Variants in RAP1A observed in about 807,000 individuals in gnomAD.
The protein encoded by RAP1A is RAP1A, member of RAS oncogene family.
Under a neutral mutation model 26.4 loss-of-function variants are expected in RAP1A, and 6 were observed. The observed-to-expected ratio is 0.23, with a 90% CI of 0.12 to 0.45. RAP1A has a LOEUF of 0.45. Ranked by LOEUF, RAP1A falls within the 20% of genes least tolerant of loss-of-function variation. The pLI, the probability that RAP1A is intolerant of heterozygous loss-of-function variation, is 0.99. For synonymous variants in RAP1A, 73 were observed against 79.4 expected, an observed-to-expected ratio of 0.92 and a Z score of 0.43; for missense variants, 121 against 217.2, an observed-to-expected ratio of 0.56 and a Z score of 2.78.
At chr1:111,709,083 A>G (rs934559218) in intron 6 of RAP1A, 66 bp from the exon 7 acceptor site, 1 of 1,541,186 alleles carries the variant, frequency 6.5e-7, no homozygotes, top group Non-Finnish European at 8.7e-7. Flanking sequence ...ACTTACCAGA[A>G]TTGTTTTGTG....
At chr1:111,667,119 T>C (rs924480087) in intron 1 of RAP1A, among the ~76,000 whole-genome samples, 3 of 152,160 alleles carry the variant, frequency 2.0e-5, no homozygotes, top group Non-Finnish European at 4.4e-5. Flanking sequence ...GCTATTTCAG[T>C]AGTCCCAGGA....
At chr1:111,624,165 C>G (rs1000174208) in intron 1 of RAP1A, among the ~76,000 whole-genome samples, 2 of 152,040 alleles carry the variant, frequency 1.3e-5, no homozygotes, top group African/African-American at 4.8e-5. Flanking sequence ...GAGTTACGGC[C>G]TATTTCCAAG....
chr1:111,671,442 C>T (rs540032927), intron 1 of RAP1A, among the ~76,000 whole-genome samples: 2 of 152,140 alleles, frequency 1.3e-5, no homozygotes, highest in Non-Finnish European at 2.9e-5. Context: ...AAGTTTGCCT[C>T]ATGTAAGTCA....
At chr1:111,698,220 C>T (rs760167209) in intron 4 of RAP1A, among the ~76,000 whole-genome samples, 22 of 152,084 alleles carry the variant, frequency 1.4e-4, no homozygotes, top group Non-Finnish European at 2.9e-4. Context: ...TATTTTTCTC[C>T]ATGCACATAG....
chr1:111,568,477 T>C (rs889928782), intron 1 of RAP1A, among the ~76,000 whole-genome samples: 1 of 152,050 alleles, frequency 6.6e-6, no homozygotes, highest in Admixed American at 6.6e-5. Context: ...TCAGGAGGGA[T>C]CCACCCCCAT....
intron 1 of RAP1A, among the ~76,000 whole-genome samples, chr1:111,607,732 G>A (rs1199163079): frequency 2.1e-5 from 3 of 142,722 alleles, no homozygotes; most frequent in Non-Finnish European, 4.6e-5. Flanking sequence ...GGCTGGCCGG[G>A]CAGAGGGGCT....
At chr1:111,645,175 G>A (rs182731406) in intron 1 of RAP1A, among the ~76,000 whole-genome samples, 443 of 152,210 alleles carry the variant, frequency 2.9e-3, no homozygotes, top group African/African-American at 1.0e-2. Context: ...GAACTAGCTC[G>A]ACTGTTGATT....
chr1:111,606,997 A>G (rs1658797718), intron 1 of RAP1A, among the ~76,000 whole-genome samples: 1 of 144,744 alleles, frequency 6.9e-6, no homozygotes, highest in African/African-American at 2.6e-5. Context: ...ATTTGAATTC[A>G]TTTTCTTTTA....
intron 1 of RAP1A, among the ~76,000 whole-genome samples, chr1:111,621,945 T>C (rs1659220565): frequency 6.6e-6 from 1 of 152,174 alleles, no homozygotes. Context: ...TATATTCATA[T>C]ACGTTGTTCC....
chr1:111,548,711 T>C (rs2101032702), intron 1 of RAP1A, among the ~76,000 whole-genome samples: 1 of 152,374 alleles, frequency 6.6e-6, no homozygotes, highest in South Asian at 2.1e-4. Flanking sequence ...TCATATTCAA[T>C]ATCATCTCAT....
chr1:111,697,008 G>A (rs1421361072), intron 3 of RAP1A, among the ~76,000 whole-genome samples: 1 of 151,998 alleles, frequency 6.6e-6, no homozygotes, highest in Admixed American at 6.6e-5. Context: ...TGGTAAGTTG[G>A]CAAGATTTTC....
chr1:111,596,095 A>G (rs1343112566), intron 1 of RAP1A, among the ~76,000 whole-genome samples: 1 of 152,222 alleles, frequency 6.6e-6, no homozygotes, highest in Non-Finnish European at 1.5e-5. Flanking sequence ...CCCTTGTTAA[A>G]CCTAACAGAT....
At chr1:111,587,328 T>C (rs1658388680) in intron 1 of RAP1A, among the ~76,000 whole-genome samples, 1 of 152,172 alleles carries the variant, frequency 6.6e-6, no homozygotes, top group African/African-American at 2.4e-5. Context: ...GTAAATCATC[T>C]TTCTACTTTA....
At chr1:111,591,324 T>C in intron 1 of RAP1A, among the ~76,000 whole-genome samples, 1 of 152,304 alleles carries the variant, frequency 6.6e-6, no homozygotes, top group East Asian at 1.9e-4. Context: ...GTTTTAAATT[T>C]TATTAATTTC....
At chr1:111,688,822 G>GTTTTTTTTTTTTT (rs767753356) in intron 1 of RAP1A, among the ~76,000 whole-genome samples, 33 of 90,022 alleles carry the variant, frequency 3.7e-4, no homozygotes, top group Non-Finnish European at 6.0e-4. Flanking sequence ...TTTTTTTTTT[G>GTTTTTTTTTTTTT]TTTTTTTTTT....
At chr1:111,572,058 G>A (rs1306664793) in intron 1 of RAP1A, among the ~76,000 whole-genome samples, 1 of 152,194 alleles carries the variant, frequency 6.6e-6, no homozygotes, top group African/African-American at 2.4e-5. Context: ...TCCATATGCA[G>A]AAGCTTGCCA....
At chr1:111,543,459 T>C (rs924295301) in intron 1 of RAP1A, among the ~76,000 whole-genome samples, 5 of 152,164 alleles carry the variant, frequency 3.3e-5, no homozygotes, top group African/African-American at 7.2e-5. Context: ...AGAAACATAA[T>C]TGGGTCATAT....
At chr1:111,705,004 C>T (rs538758582) in intron 6 of RAP1A, among the ~76,000 whole-genome samples, 54 of 151,776 alleles carry the variant, frequency 3.6e-4, no homozygotes, top group African/African-American at 1.3e-3. Context: ...ATGCACAAGG[C>T]TTTTGTGTGG....
At chr1:111,579,892 CG>C (rs1304398836) in intron 1 of RAP1A, among the ~76,000 whole-genome samples, 1 of 151,152 alleles carries the variant, frequency 6.6e-6, no homozygotes, top group African/African-American at 2.4e-5. Context: ...TCACTGCAAG[CG>C]AGTCTCTTGC....
Sources: gnomAD v4.1 joint callset for allele counts (sites outside exome capture counted in the v4.1 genomes callset) on GRCh38, gnomAD v4.1.1 for gene constraint, MANE v1.5 for transcripts, NCBI Gene and HGNC (gene_info 2026-07-23, HGNC 2026-07-21) for gene names.